Variants in CTIF observed in about 807,000 individuals in gnomAD.
The protein encoded by CTIF is cap binding complex dependent translation initiation factor, also known as CBP80/20-dependent translation initiation factor.
In CTIF, 21 loss-of-function variants were observed where a neutral mutation model predicts 66.0. The observed-to-expected ratio is 0.32, with a 90% CI of 0.23 to 0.46. The LOEUF is 0.46. Ranked by LOEUF, CTIF falls within the 20% of genes least tolerant of loss-of-function variation. The pLI, the probability that CTIF is intolerant of heterozygous loss-of-function variation, is 1.00. For missense variants in CTIF, 739 were observed against 812.7 expected, an observed-to-expected ratio of 0.91 and a Z score of 1.10; for synonymous variants, 345 against 326.4, an observed-to-expected ratio of 1.06 and a Z score of -0.62.
At chr18:48,706,434 C>T (rs900030455) in intron 6 of CTIF, among the ~76,000 whole-genome samples, 4 of 152,258 alleles carry the variant, frequency 2.6e-5, no homozygotes, top group East Asian at 1.9e-4. Context: ...CAGAGCCACC[C>T]GGCACAATGC....
intron 3 of CTIF, among the ~76,000 whole-genome samples, chr18:48,653,804 G>C (rs544494949): frequency 1.3e-5 from 2 of 152,234 alleles, no homozygotes; most frequent in Non-Finnish European, 2.9e-5. Flanking sequence ...CATAACAGAG[G>C]CCTCAGAAAT....
chr18:48,668,466 C>T (rs1215878140), intron 5 of CTIF, among the ~76,000 whole-genome samples: 1 of 152,220 alleles, frequency 6.6e-6, no homozygotes, highest in Non-Finnish European at 1.5e-5. Context: ...TGTTCCGGGC[C>T]TTTCTCCACC....
chr18:48,819,830 C>T (rs1217594357), intron 10 of CTIF, among the ~76,000 whole-genome samples: 1 of 152,246 alleles, frequency 6.6e-6, no homozygotes, highest in Non-Finnish European at 1.5e-5. Flanking sequence ...TCATCAACTG[C>T]ACCACGTTGG....
chr18:48,736,393 T>C (rs1316571406), intron 7 of CTIF, among the ~76,000 whole-genome samples: 2 of 152,134 alleles, frequency 1.3e-5, no homozygotes, highest in Admixed American at 6.5e-5. Flanking sequence ...CCCTTCTTCC[T>C]CCAGCTGCAC....
At chr18:48,561,645 T>C (rs1274486073) in intron 1 of CTIF, among the ~76,000 whole-genome samples, 2 of 152,162 alleles carry the variant, frequency 1.3e-5, no homozygotes, top group Non-Finnish European at 2.9e-5. Flanking sequence ...ATGGCCTCAG[T>C]GTCACTTTTT....
chr18:48,646,901 C>CAA (rs35904615), intron 3 of CTIF, among the ~76,000 whole-genome samples: 6,705 of 77,574 alleles, frequency 0.086, 708 homozygotes, highest in Non-Finnish European at 0.12. Flanking sequence ...TTGGCAGTTT[C>CAA]AAAAAAAAAA....
In CTIF at chr18:48,679,489, G is replaced by A. The variant is rs535366101; in HGVS notation, c.507+8745G>A. ...CTTCTGTGGGTTTCTTGGCGGGTGG[G>A]AGATGGAGGGCAGGGACTGTTGGCT... is the stretch of plus-strand genomic sequence containing the variant. On this transcript the variant is annotated intron_variant, in intron 6 of 11. Coordinates refer to ENST00000256413, the MANE Select transcript of CTIF (RefSeq NM_014772.3). Among the ~76,000 whole-genome samples the A allele has an allele frequency of 3.1e-4, 47 of 152,320 alleles. No individual in the cohort carries two copies. In the South Asian group the frequency reaches 6.0e-3, roughly 19 times the overall value.
intron 10 of CTIF, among the ~76,000 whole-genome samples, chr18:48,831,669 C>T (rs1438188627): frequency 1.3e-5 from 2 of 152,158 alleles, no homozygotes; most frequent in Non-Finnish European, 2.9e-5. Flanking sequence ...ATAACGTGAG[C>T]CACGTGTAAT....
At chr18:48,857,869 G>C (rs1275525625) in intron 11 of CTIF, among the ~76,000 whole-genome samples, 1 of 104,428 alleles carries the variant, frequency 9.6e-6, no homozygotes, top group Non-Finnish European at 1.8e-5. Flanking sequence ...AGAGAGAAGT[G>C]ATTCCCAGTG....
intron 9 of CTIF, among the ~76,000 whole-genome samples, chr18:48,784,254 G>A (rs145597419): frequency 4.9e-4 from 74 of 152,338 alleles, no homozygotes; most frequent in African/African-American, 1.7e-3. Flanking sequence ...ACAGAGAGAG[G>A]AACACAGGCC....
chr18:48,757,187 T>C (rs1908449700), intron 7 of CTIF, among the ~76,000 whole-genome samples: 1 of 152,168 alleles, frequency 6.6e-6, no homozygotes, highest in Admixed American at 6.5e-5. Flanking sequence ...TTAGGGCCCA[T>C]CCTAACAGCC....
At chr18:48,659,438 AG>A (rs2091304325) in intron 3 of CTIF, among the ~76,000 whole-genome samples, 7 of 152,212 alleles carry the variant, frequency 4.6e-5, no homozygotes, top group Middle Eastern at 6.8e-3. Context: ...TGCCTCCTCC[AG>A]GGCTGCTGAG....
chr18:48,671,352 C>G (rs1301039793), intron 6 of CTIF, among the ~76,000 whole-genome samples: 1 of 152,150 alleles, frequency 6.6e-6, no homozygotes, highest in Non-Finnish European at 1.5e-5. Context: ...GTGACTGGGC[C>G]TGCTGCAGGG....
chr18:48,827,699 T>C (rs1365349415), intron 10 of CTIF, among the ~76,000 whole-genome samples: 1 of 152,084 alleles, frequency 6.6e-6, no homozygotes, highest in Non-Finnish European at 1.5e-5. Context: ...ACCCAGCCCC[T>C]GGGCACTGGC....
chr18:48,543,777 G>A (rs902051699), intron 1 of CTIF, among the ~76,000 whole-genome samples: 3 of 152,112 alleles, frequency 2.0e-5, no homozygotes, highest in Non-Finnish European at 4.4e-5. Flanking sequence ...TCTATGTACC[G>A]TAATGCTTTC....
At chr18:48,800,932 G>A (rs932642955) in intron 9 of CTIF, among the ~76,000 whole-genome samples, 3 of 152,202 alleles carry the variant, frequency 2.0e-5, no homozygotes, top group Admixed American at 1.3e-4. Flanking sequence ...AACAGACCTG[G>A]CAAAGGGCCT....
At chr18:48,853,731 C>T (rs1453711104) in intron 10 of CTIF, among the ~76,000 whole-genome samples, 2 of 152,236 alleles carry the variant, frequency 1.3e-5, no homozygotes, top group Non-Finnish European at 2.9e-5. Flanking sequence ...TGCAGCCAAG[C>T]CTGCCGTGGG....
chr18:48,657,675 G>GGCTGCAGA (rs1414986496), intron 3 of CTIF, among the ~76,000 whole-genome samples: 2 of 152,144 alleles, frequency 1.3e-5, no homozygotes. Context: ...CTGCTGAGGA[G>GGCTGCAGA]GCTGCAGAGC....
rs550389195 is a variant in CTIF at position 48,799,829 on chromosome 18, G to A, written c.1372-17392G>A. On this transcript the variant is annotated intron_variant, in intron 9 of 11. Coordinates refer to ENST00000256413, the MANE Select transcript of CTIF (RefSeq NM_014772.3). ...GCCTAGACGCAGCAGGTACATTGCC[G>A]AATAAAGCAGACAGAGTTTCTCTGC... Among the ~76,000 whole-genome samples, 77 of 152,330 alleles carry A rather than the reference G, an allele frequency of 5.1e-4. 2 individuals carry two copies. Among genetic ancestry groups the A allele is most frequent in the East Asian group, 3.9e-4 (2 of 5,190 alleles).
Sources: allele counts gnomAD v4.1 joint callset (sites outside exome capture counted in the v4.1 genomes callset), GRCh38; gene constraint gnomAD v4.1.1; transcripts MANE v1.5; gene names NCBI Gene and HGNC (gene_info 2026-07-23, HGNC 2026-07-21).